MSRA: variants seen among roughly 807,000 people sequenced by gnomAD.
MSRA encodes methionine sulfoxide reductase A.
A neutral mutation model predicts 31.3 loss-of-function variants in MSRA; 54 were observed. The ratio of observed to expected loss-of-function variants is 1.73; its 90% CI spans 1.39 to 2.17. MSRA has a LOEUF of 2.17. MSRA is among the 30% of genes most tolerant of loss of function. The pLI, the probability that MSRA is intolerant of heterozygous loss-of-function variation, is 0.00. For synonymous variants in MSRA, 169 were observed against 116.5 expected (o/e 1.45, Z -2.90); for missense variants, 507 against 300.9 (o/e 1.69, Z -5.07).
At chr8:10,180,357 C>T (rs1193221551) in intron 1 of MSRA, among the ~76,000 whole-genome samples, 1 of 152,180 alleles carries the variant, frequency 6.6e-6, no homozygotes, top group Non-Finnish European at 1.5e-5. Flanking sequence ...TGCTACCCTC[C>T]CTCACAGCAC....
intron 5 of MSRA, among the ~76,000 whole-genome samples, chr8:10,409,774 C>T (rs1370913995): frequency 6.6e-6 from 1 of 152,244 alleles, no homozygotes; most frequent in Admixed American, 6.5e-5. Flanking sequence ...GATATTTCTT[C>T]ATAGAAGCTG....
chr8:10,109,472 G>A (rs1284911115), intron 1 of MSRA, among the ~76,000 whole-genome samples: 1 of 151,716 alleles, frequency 6.6e-6, no homozygotes, highest in East Asian at 1.9e-4. Flanking sequence ...CTCCCAATTA[G>A]CTGGGGCAAC....
At chr8:10,106,242 T>C (rs1048266433) in intron 1 of MSRA, among the ~76,000 whole-genome samples, 2 of 152,202 alleles carry the variant, frequency 1.3e-5, no homozygotes, top group Non-Finnish European at 2.9e-5. Context: ...CCATACGCTT[T>C]GCTCAGTCAA....
intron 1 of MSRA, among the ~76,000 whole-genome samples, chr8:10,065,537 C>T (rs1015802138): frequency 4.6e-5 from 7 of 152,202 alleles, no homozygotes; most frequent in African/African-American, 7.2e-5. Context: ...GGGAGACACA[C>T]ACCTGACTTA....
chr8:10,201,442 T>C (rs764461628), intron 1 of MSRA, among the ~76,000 whole-genome samples: 6 of 152,150 alleles, frequency 3.9e-5, no homozygotes, highest in Non-Finnish European at 7.4e-5. Context: ...TCCTGGAATC[T>C]CCAGTTAGGT....
chr8:10,079,168 C>G (rs952500618), intron 1 of MSRA, among the ~76,000 whole-genome samples: 2 of 151,106 alleles, frequency 1.3e-5, no homozygotes, highest in Non-Finnish European at 3.0e-5. Context: ...GTACTTTTTT[C>G]TTTTTTTTTA....
At chr8:10,316,175 C>T (rs1801699515) in intron 4 of MSRA, among the ~76,000 whole-genome samples, 1 of 151,804 alleles carries the variant, frequency 6.6e-6, no homozygotes, top group South Asian at 2.1e-4. Context: ...GTGTGGCTGT[C>T]TTCCTTTTAG....
At chr8:10,137,574 G>A (rs749218494) in intron 1 of MSRA, among the ~76,000 whole-genome samples, 1 of 152,182 alleles carries the variant, frequency 6.6e-6, no homozygotes, top group Non-Finnish European at 1.5e-5. Context: ...CTGACCATAA[G>A]CTTAGTAGGA....
At chr8:10,173,503 C>A (rs1437001960) in intron 1 of MSRA, among the ~76,000 whole-genome samples, 1 of 152,198 alleles carries the variant, frequency 6.6e-6, no homozygotes, top group Non-Finnish European at 1.5e-5. Flanking sequence ...AATCCTGAAC[C>A]CTGAAGGAAT....
intron 5 of MSRA, among the ~76,000 whole-genome samples, chr8:10,397,922 G>A (rs1192493488): frequency 6.6e-6 from 1 of 152,168 alleles, no homozygotes; most frequent in South Asian, 2.1e-4. Context: ...AAAGTGGGTG[G>A]AGGCCCCTCT....
chr8:10,363,512 C>T (rs1804973826), intron 5 of MSRA, among the ~76,000 whole-genome samples: 1 of 152,154 alleles, frequency 6.6e-6, no homozygotes, highest in African/African-American at 2.4e-5. Context: ...CCTACCGTGC[C>T]TGTCTTGTAG....
At chr8:10,256,311 T>C (rs2129089853) in intron 3 of MSRA, among the ~76,000 whole-genome samples, 1 of 152,372 alleles carries the variant, frequency 6.6e-6, no homozygotes, top group East Asian at 1.9e-4. Flanking sequence ...GTCATTTCTT[T>C]TTAGCACTGA....
At chr8:10,165,131 T>C (rs1354283419) in intron 1 of MSRA, among the ~76,000 whole-genome samples, 1 of 152,142 alleles carries the variant, frequency 6.6e-6, no homozygotes, top group East Asian at 1.9e-4. Flanking sequence ...CCCAGGTAAT[T>C]CTAATGTGCG....
At chr8:10,123,640 G>A (rs1047438360) in intron 1 of MSRA, among the ~76,000 whole-genome samples, 1 of 152,038 alleles carries the variant, frequency 6.6e-6, no homozygotes, top group Non-Finnish European at 1.5e-5. Context: ...AGTTTTTATA[G>A]TTTTGAGGTT....
At chr8:10,346,291 CT>C (rs896087828) in intron 5 of MSRA, among the ~76,000 whole-genome samples, 14 of 152,208 alleles carry the variant, frequency 9.2e-5, no homozygotes, top group African/African-American at 3.4e-4. Flanking sequence ...GCTCTCACCT[CT>C]GTGTGGATGA....
intron 1 of MSRA, among the ~76,000 whole-genome samples, chr8:10,141,243 C>G (rs1802680148): frequency 6.6e-6 from 1 of 152,142 alleles, no homozygotes; most frequent in Admixed American, 6.5e-5. Flanking sequence ...TGTGCCTCGC[C>G]CCTCACGCCT....
chr8:10,252,601 C>T (rs1001500283), intron 3 of MSRA, among the ~76,000 whole-genome samples: 1 of 152,084 alleles, frequency 6.6e-6, no homozygotes, highest in Non-Finnish European at 1.5e-5. Flanking sequence ...TATGCTTGCT[C>T]CCTCACCTCC....
chr8:10,401,550 T>G (rs1174670310), intron 5 of MSRA, among the ~76,000 whole-genome samples: 1 of 152,172 alleles, frequency 6.6e-6, no homozygotes, highest in African/African-American at 2.4e-5. Context: ...CCTGCAGCAA[T>G]CTCACGCCTA....
chr8:10,210,764 T>C (rs1809406458), intron 2 of MSRA, among the ~76,000 whole-genome samples: 1 of 151,754 alleles, frequency 6.6e-6, no homozygotes, highest in African/African-American at 2.4e-5. Flanking sequence ...GATGGTGTCT[T>C]ACTCTGTTGC....
Sources: gnomAD v4.1 joint callset for allele counts (sites outside exome capture counted in the v4.1 genomes callset) on GRCh38, gnomAD v4.1.1 for gene constraint, MANE v1.5 for transcripts, NCBI Gene and HGNC (gene_info 2026-07-23, HGNC 2026-07-21) for gene names.